The following AAK1 variants were observed in gnomAD, a reference collection of about 807,000 sequenced individuals.
AAK1 encodes the protein AP2 associated kinase 1.
AAK1 carries 37 observed loss-of-function variants against 116.0 expected under a neutral mutation model. The ratio of observed to expected loss-of-function variants is 0.32; its 90% CI spans 0.25 to 0.42. The LOEUF (loss-of-function observed/expected upper bound fraction) is 0.42, where lower values mean the gene tolerates loss of function less well. Among genes scored for constraint, AAK1 ranks in the 10% least tolerant of loss-of-function variants. AAK1 has a pLI of 1.00. For synonymous variants in AAK1, 458 were observed against 439.9 expected (o/e 1.04, Z -0.51); for missense variants, 919 against 1,170.6 (o/e 0.79, Z 3.14).
Position 69,467,326 on chromosome 2 carries a change from A to C in AAK1, c.*8543T>G. ...CAGAAGCATTAGCAAACTCCAATAT[A>C]CTAGTCTATTTCTATCTAGGTAGAG... On this transcript the variant is annotated 3_prime_UTR_variant, in exon 22 of 22. Coordinates refer to ENST00000409085, the MANE Select transcript of AAK1 (RefSeq NM_014911.5). 1.0e-6 allele frequency: 1 copy of C among 985,428 alleles called. No homozygotes were observed. The highest frequency in any genetic ancestry group is 1.2e-6 in the Non-Finnish European group (1 of 829,928). 61.0% of individuals were successfully genotyped at this position (985,428 alleles called of 1,614,324 possible).
chr2:69,579,220 C>T (rs773707899), intron 2 of AAK1, among the ~76,000 whole-genome samples: 14 of 152,140 alleles, frequency 9.2e-5, no homozygotes, highest in Non-Finnish European at 1.5e-4. Flanking sequence ...CTCAATCAAG[C>T]GGATGGTTTT....
intron 2 of AAK1, among the ~76,000 whole-genome samples, chr2:69,565,447 C>T (rs192219728): frequency 6.1e-4 from 93 of 152,354 alleles, no homozygotes; most frequent in Non-Finnish European, 1.2e-3. Context: ...TGTACTACAA[C>T]CTCCACTTGA....
At chr2:69,511,787 A>G (rs1676405862) in intron 13 of AAK1, among the ~76,000 whole-genome samples, 1 of 152,166 alleles carries the variant, frequency 6.6e-6, no homozygotes. Context: ...TTTTCTTACC[A>G]CTTGGAGAAC....
chr2:69,492,245 G>C (rs1675551160), intron 17 of AAK1, among the ~76,000 whole-genome samples: 3 of 151,388 alleles, frequency 2.0e-5, no homozygotes, highest in African/African-American at 7.3e-5. Flanking sequence ...ACGGAGTCTT[G>C]CTCTGTCACC....
At chr2:69,604,316 T>C (rs186470396) in intron 2 of AAK1, among the ~76,000 whole-genome samples, 9 of 152,338 alleles carry the variant, frequency 5.9e-5, no homozygotes, top group African/African-American at 2.2e-4. Flanking sequence ...CATGAACTTC[T>C]GTGATTTAGC....
chr2:69,473,429 G>A lies in AAK1; in HGVS notation c.*2440C>T. The A allele has an allele frequency of 1.0e-6, 1 of 985,436 alleles. No individual in the cohort carries two copies. Among genetic ancestry groups the A allele is most frequent in the Non-Finnish European group, 1.2e-6 (1 of 829,932 alleles). The allele number at this position is 985,436 out of a possible 1,614,324, so 61.0% of individuals were successfully genotyped here. A position where few individuals can be genotyped will look rare whatever the true frequency, so the allele number is the denominator to read the frequency against. Reference sequence around the variant, plus strand: ...GCTCCGTTTACCAAAGCACTCATATGTGTTCCTTAACAGAAAAATAGTTCT... The same window carrying A: ...GCTCCGTTTACCAAAGCACTCATATATGTTCCTTAACAGAAAAATAGTTCT... On this transcript the variant is annotated 3_prime_UTR_variant, in exon 22 of 22. Coordinates refer to ENST00000409085, the MANE Select transcript of AAK1 (RefSeq NM_014911.5).
chr2:69,591,975 T>G (rs1673055137), intron 2 of AAK1, among the ~76,000 whole-genome samples: 1 of 152,162 alleles, frequency 6.6e-6, no homozygotes, highest in African/African-American at 2.4e-5. Flanking sequence ...TTCCTAACAC[T>G]TTTATTAATA....
At chr2:69,512,505 A>G (rs1192510612) in intron 13 of AAK1, among the ~76,000 whole-genome samples, 6 of 152,192 alleles carry the variant, frequency 3.9e-5, no homozygotes, top group East Asian at 1.9e-4. Context: ...GCTATTATTA[A>G]TAAGACTGCA....
chr2:69,500,692 T>TACAC (rs1344927946), intron 16 of AAK1, among the ~76,000 whole-genome samples: 29 of 113,462 alleles, frequency 2.6e-4, no homozygotes, highest in African/African-American at 1.1e-3. Flanking sequence ...TATATATATA[T>TACAC]ATATATACAC....
intron 20 of AAK1, among the ~76,000 whole-genome samples, chr2:69,477,221 G>C (rs7579250): frequency 3.3e-5 from 5 of 152,074 alleles, no homozygotes; most frequent in Non-Finnish European, 5.9e-5. Flanking sequence ...TAGGGAAAAG[G>C]GTTCTTGGAA....
At position 69,470,335 on chromosome 2, in the gene AAK1, A is replaced by T; in HGVS notation, c.*5534T>A. The T allele has an allele frequency of 1.0e-6, 1 of 985,472 alleles. No individual in the cohort carries two copies. The highest frequency in any genetic ancestry group is 1.7e-5 in the African/African-American group (1 of 57,378). The allele number at this position is 985,472 out of a possible 1,614,324, so 61.0% of individuals were successfully genotyped here. On this transcript the variant is annotated 3_prime_UTR_variant, in exon 22 of 22. Coordinates refer to ENST00000409085, the MANE Select transcript of AAK1 (RefSeq NM_014911.5). ...AACTTGGAAATGCAGCAGCAATTGA[A>T]ACGTAAAATTTTAGAACCAAACTGG...
intron 2 of AAK1, among the ~76,000 whole-genome samples, chr2:69,560,921 T>C (rs1247787354): frequency 1.3e-5 from 2 of 152,188 alleles, no homozygotes; most frequent in Non-Finnish European, 2.9e-5. Flanking sequence ...GCAGAGAATA[T>C]GGGAAACGAA....
rs183949037 is a variant in AAK1, at chr2:69,560,569, C to G, written c.164-3591G>C. Among the ~76,000 whole-genome samples, 3 of 152,320 alleles carry G rather than the reference C, an allele frequency of 2.0e-5. No homozygotes were observed. In the East Asian group the frequency reaches 5.8e-4, roughly 29 times the overall value. On this transcript the variant is annotated intron_variant, in intron 2 of 21. Coordinates refer to ENST00000409085, the MANE Select transcript of AAK1 (RefSeq NM_014911.5). Reference sequence around the variant, plus strand: ...ATCATAAAGATAAAAAGGATATGATCTATTATGTGAAGCAAGCAAGTGAAG... The same window carrying G: ...ATCATAAAGATAAAAAGGATATGATGTATTATGTGAAGCAAGCAAGTGAAG...
chr2:69,466,825 T>G lies in AAK1; in HGVS notation c.*9044A>C. The stretch of plus-strand genomic sequence containing the variant: ...ACAGACATTCAGCGTAACTATGCAA[T>G]GCTCCTACACACAGGGCCAGGCACG... On this transcript the variant is annotated 3_prime_UTR_variant, in exon 22 of 22. Transcript: ENST00000409085. 1 of 985,394 alleles carries G rather than the reference T, an allele frequency of 1.0e-6. No homozygotes were observed. Among genetic ancestry groups the G allele is most frequent in the Non-Finnish European group, 1.2e-6 (1 of 829,936 alleles). 61.0% of individuals were successfully genotyped at this position (985,394 alleles called of 1,614,324 possible).
chr2:69,529,294 A>G (rs1367371316), intron 8 of AAK1, among the ~76,000 whole-genome samples: 7 of 152,226 alleles, frequency 4.6e-5, no homozygotes. Flanking sequence ...TAATCAATCC[A>G]TAACAGTTAA....
At chr2:69,513,633 C>T (rs11126235) in intron 13 of AAK1, among the ~76,000 whole-genome samples, 55,891 of 152,030 alleles carry the variant, frequency 0.37, 10,828 homozygotes, top group East Asian at 0.53. Context: ...AGAAAGATGG[C>T]TTCTTACTTT....
chr2:69,637,803 T>G (rs912887157), intron 2 of AAK1, among the ~76,000 whole-genome samples: 5 of 152,212 alleles, frequency 3.3e-5, no homozygotes, highest in African/African-American at 1.2e-4. Flanking sequence ...TATCAAACCT[T>G]TCTTGTGTAC....
At chr2:69,568,974 G>T (rs1003285089) in intron 2 of AAK1, among the ~76,000 whole-genome samples, 1 of 152,038 alleles carries the variant, frequency 6.6e-6, no homozygotes, top group African/African-American at 2.4e-5. Flanking sequence ...ATTTCACTGA[G>T]TCTTAAGAAT....
At chr2:69,563,701 T>A (rs1671743936) in intron 2 of AAK1, among the ~76,000 whole-genome samples, 1 of 152,224 alleles carries the variant, frequency 6.6e-6, no homozygotes, top group Admixed American at 6.5e-5. Flanking sequence ...ACTCTTTGTT[T>A]CTCTTTTAAA....
Sources: allele counts gnomAD v4.1 joint callset (sites outside exome capture counted in the v4.1 genomes callset), GRCh38; gene constraint gnomAD v4.1.1; transcripts MANE v1.5; gene names NCBI Gene and HGNC (gene_info 2026-07-23, HGNC 2026-07-21).